Variants in BLVRA observed in about 807,000 individuals in gnomAD.
BLVRA encodes the protein BVR A.
BLVRA carries 22 observed loss-of-function variants against 32.8 expected under a neutral mutation model. The observed-to-expected ratio is 0.67, with a 90% CI of 0.48 to 0.96. The LOEUF (loss-of-function observed/expected upper bound fraction) is 0.96. Ranked by LOEUF, BLVRA falls within the 40% of genes least tolerant of loss-of-function variation. The pLI, the probability that BLVRA is intolerant of heterozygous loss-of-function variation, is 0.00. For missense variants in BLVRA, 323 were observed against 358.1 expected (o/e 0.90, Z 0.79); for synonymous variants, 119 against 141.3 (o/e 0.84, Z 1.12).
At chr7:43,783,378 T>G (rs1341535468) in intron 2 of BLVRA, among the ~76,000 whole-genome samples, 1 of 152,154 alleles carries the variant, frequency 6.6e-6, no homozygotes. Flanking sequence ...CTCCTGTTAC[T>G]ACACAGACTG....
intron 6 of BLVRA, among the ~76,000 whole-genome samples, chr7:43,802,772 A>G (rs2095799991): frequency 6.6e-6 from 1 of 152,142 alleles, no homozygotes; most frequent in Non-Finnish European, 1.5e-5. Context: ...AAGTGCTGGT[A>G]TTATAGGCAT....
At chr7:43,767,708 T>C (rs1050984311) in intron 1 of BLVRA, 4 of 449,234 alleles carry the variant, frequency 8.9e-6, no homozygotes, top group Admixed American at 8.6e-5. Flanking sequence ...AAGTCAGTCT[T>C]AAGGAGTCAT....
intron 6 of BLVRA, 134 bp from the exon 7 acceptor site, chr7:43,803,542 A>G: frequency 2.0e-6 from 2 of 982,720 alleles, no homozygotes; most frequent in Non-Finnish European, 3.3e-6. Flanking sequence ...CCTGCCTACC[A>G]CATAAGGCAA....
chr7:43,794,837 C>T (rs2095789968), intron 5 of BLVRA, among the ~76,000 whole-genome samples: 1 of 152,146 alleles, frequency 6.6e-6, no homozygotes, highest in Admixed American at 6.6e-5. Context: ...TAATTGGTAA[C>T]ATTAATAGCA....
chr7:43,803,470 G>A (rs2095800908), intron 6 of BLVRA, among the ~76,000 whole-genome samples: 2 of 152,172 alleles, frequency 1.3e-5, no homozygotes, highest in South Asian at 4.1e-4. Context: ...AGACAGAGAT[G>A]CTTTTATGAT....
intron 2 of BLVRA, among the ~76,000 whole-genome samples, chr7:43,772,532 T>C (rs1231934707): frequency 6.6e-6 from 1 of 152,262 alleles, no homozygotes; most frequent in Admixed American, 6.5e-5. Context: ...GATGTATCCC[T>C]GTCTGGTATG....
chr7:43,789,455 T>A (rs1035358544), intron 3 of BLVRA, among the ~76,000 whole-genome samples: 1 of 152,086 alleles, frequency 6.6e-6, no homozygotes, highest in African/African-American at 2.4e-5. Context: ...CCCCATAAGA[T>A]TCCAAGGGAG....
At chr7:43,767,539 CTT>C (rs1032466133) in intron 1 of BLVRA, 74 of 1,110,856 alleles carry the variant, frequency 6.7e-5, no homozygotes, top group Non-Finnish European at 9.6e-5. Context: ...TGCTGGCCCT[CTT>C]TATGTATGTG....
chr7:43,779,659 G>A (rs1414462131), intron 2 of BLVRA, among the ~76,000 whole-genome samples: 1 of 152,034 alleles, frequency 6.6e-6, no homozygotes, highest in Non-Finnish European at 1.5e-5. Flanking sequence ...CTCACCCTGT[G>A]GCTTGCTCTA....
chr7:43,806,725 G>C (rs746194401), intron 7 of BLVRA, among the ~76,000 whole-genome samples: 2 of 151,724 alleles, frequency 1.3e-5, no homozygotes, highest in Non-Finnish European at 2.9e-5. Flanking sequence ...TCCAGCCTGG[G>C]TGACAGAGCA....
At position 43,771,133 on chromosome 7, in the gene BLVRA, T is replaced by C. The variant is rs1166809840; in HGVS notation, c.-21-5T>C. 2 of 1,614,054 alleles carry C rather than the reference T, an allele frequency of 1.2e-6. No individual in the cohort carries two copies. Among genetic ancestry groups the C allele is most frequent in the Non-Finnish European group, 1.7e-6 (2 of 1,179,890 alleles). Reference sequence around the variant, plus strand: ...GGACCTGAACCTCTGCTTTTGTCTTTACAGTGACCGAAGGAAGAGACCAAG... The same window carrying C: ...GGACCTGAACCTCTGCTTTTGTCTTCACAGTGACCGAAGGAAGAGACCAAG... On this transcript the variant is annotated splice_polypyrimidine_tract_variant and splice_region_variant and intron_variant, in intron 1 of 7. Transcript: ENST00000265523.
upstream of BLVRA, among the ~76,000 whole-genome samples, chr7:43,758,293 G>A (rs1007067186): frequency 1.4e-5 from 2 of 139,668 alleles, no homozygotes; most frequent in African/African-American, 2.5e-5. Flanking sequence ...CGTGGTGAGT[G>A]GGGGGCGGAT....
intron 1 of BLVRA, among the ~76,000 whole-genome samples, chr7:43,762,576 A>G (rs1023062202): frequency 6.9e-6 from 1 of 145,938 alleles, no homozygotes; most frequent in Non-Finnish European, 1.5e-5. Context: ...GTCAGCAATA[A>G]TTTAGTGATT....
intron 2 of BLVRA, among the ~76,000 whole-genome samples, chr7:43,777,486 C>T (rs1367083423): frequency 6.6e-6 from 1 of 152,144 alleles, no homozygotes; most frequent in Non-Finnish European, 1.5e-5. Flanking sequence ...TCTCTTCTGG[C>T]TTGTAGAGTT....
chr7:43,775,198 G>C (rs1399977716), intron 2 of BLVRA, among the ~76,000 whole-genome samples: 1 of 152,048 alleles, frequency 6.6e-6, no homozygotes, highest in Non-Finnish European at 1.5e-5. Flanking sequence ...TGGTGAGAGA[G>C]GGCATCCCTG....
Position 43,783,415 on chromosome 7 carries a change from G to A in BLVRA, c.13-4489G>A, listed in dbSNP as rs550218335. 3.1e-4 allele frequency among the ~76,000 whole-genome samples: 47 copies of A among 152,242 alleles called. 1 individual carries two copies. Among genetic ancestry groups the A allele is most frequent in the African/African-American group, 9.9e-4 (41 of 41,532 alleles). ...AGCACACAGTGCACACTAGGCTGTC[G>A]TTTGCTTCTTTCACCCGATCATCTA... On this transcript the variant is annotated intron_variant, in intron 2 of 7. Transcript: ENST00000265523.
At chr7:43,795,330 A>G (rs2095790570) in intron 5 of BLVRA, among the ~76,000 whole-genome samples, 2 of 152,302 alleles carry the variant, frequency 1.3e-5, no homozygotes, top group African/African-American at 4.8e-5. Context: ...AGCCTAGCCA[A>G]CATGGTGAAA....
intron 3 of BLVRA, 116 bp from the exon 4 acceptor site, chr7:43,791,133 C>T (rs2095785389): frequency 1.3e-6 from 2 of 1,528,526 alleles, no homozygotes; most frequent in Non-Finnish European, 1.8e-6. Flanking sequence ...AGAGAAGAAA[C>T]TCATTTCTTC....
chr7:43,773,924 A>T (rs918339297), intron 2 of BLVRA, among the ~76,000 whole-genome samples: 11 of 152,208 alleles, frequency 7.2e-5, no homozygotes, highest in African/African-American at 2.2e-4. Flanking sequence ...TTTTTTGGCT[A>T]CATAAATGTC....
Sources: allele counts gnomAD v4.1 joint callset (sites outside exome capture counted in the v4.1 genomes callset), GRCh38; gene constraint gnomAD v4.1.1; transcripts MANE v1.5; gene names NCBI Gene and HGNC (gene_info 2026-07-23, HGNC 2026-07-21).